AGAP1: variants seen among roughly 807,000 people sequenced by gnomAD.
AGAP1 encodes arf-GAP with GTPase, ANK repeat and PH domain-containing protein 1.
A neutral mutation model predicts 105.3 loss-of-function variants in AGAP1; 29 were observed. The ratio of observed to expected loss-of-function variants is 0.28; its 90% CI spans 0.21 to 0.38. The LOEUF (loss-of-function observed/expected upper bound fraction) is 0.38. AGAP1 is among the 10% of genes least tolerant of loss of function. The pLI is 1.00. For synonymous variants in AGAP1, 509 were observed against 485.9 expected, an observed-to-expected ratio of 1.05 and a Z score of -0.63; for missense variants, 998 against 1,165.1, an observed-to-expected ratio of 0.86 and a Z score of 2.09.
chr2:235,523,452 C>T (rs1337897499), intron 1 of AGAP1, among the ~76,000 whole-genome samples: 3 of 152,172 alleles, frequency 2.0e-5, no homozygotes, highest in Admixed American at 1.3e-4. Flanking sequence ...GGGACTGCTT[C>T]CCATCGGTGC....
chr2:236,015,218 C>T (rs1471101289), intron 13 of AGAP1, among the ~76,000 whole-genome samples: 1 of 152,108 alleles, frequency 6.6e-6, no homozygotes, highest in Non-Finnish European at 1.5e-5. Flanking sequence ...CAAGTTATTA[C>T]AGTTTTTAAA....
chr2:235,518,747 A>G (rs76162091), intron 1 of AGAP1, among the ~76,000 whole-genome samples: 5,133 of 152,334 alleles, frequency 0.034, 118 homozygotes, highest in Middle Eastern at 0.16. Context: ...TAATCCTCAA[A>G]GTAATAATAA....
chr2:236,040,775 G>A lies in AGAP1; in HGVS notation c.1825G>A (p.Ala609Thr). 6.2e-7 allele frequency: 1 copy of A among 1,613,624 alleles called. No individual in the cohort carries two copies. The highest frequency in any genetic ancestry group is 8.5e-7 in the Non-Finnish European group (1 of 1,180,032). ...GTCCCGGCTGACGAGCCAGAGCGAG[G>A]CCATGGCCCTGCAGTCGATCCGGAA... Reference protein sequence around the residue: ...NKSRLTSQSEAMALQSIRNMR... With the variant: ...NKSRLTSQSETMALQSIRNMR... Residue 609 changes from alanine to threonine, a missense_variant, in exon 15 of 18, where the codon GCC (alanine) becomes ACC (threonine). Transcript: ENST00000304032. This position sits in a 1 kb window ranked among gnomAD's most constrained non-coding sequence, Gnocchi z 5.6.
chr2:235,746,695 C>T (rs148647908), intron 5 of AGAP1, among the ~76,000 whole-genome samples: 142 of 152,192 alleles, frequency 9.3e-4, no homozygotes, highest in Admixed American at 2.8e-3. Flanking sequence ...TCCGAATAAG[C>T]TCCCCTTCCT....
chr2:235,628,834 T>C (rs1244327782), intron 1 of AGAP1, among the ~76,000 whole-genome samples: 1 of 152,072 alleles, frequency 6.6e-6, no homozygotes, highest in Non-Finnish European at 1.5e-5. Flanking sequence ...TTTGTTTGTT[T>C]GTTTTTTGAC....
In AGAP1 at chr2:236,027,203, G is replaced by A. The variant is rs2125625415; in HGVS notation, c.1646-9358G>A. 6.6e-6 allele frequency among the ~76,000 whole-genome samples: 1 copy of A among 152,126 alleles called. No homozygotes were observed. Among genetic ancestry groups the A allele is most frequent in the East Asian group, 1.9e-4 (1 of 5,178 alleles). On this transcript the variant is annotated intron_variant, in intron 13 of 17. Coordinates refer to ENST00000304032, the MANE Select transcript of AGAP1 (RefSeq NM_001037131.3). The surrounding 1 kb of genome is among the most constrained non-coding windows in gnomAD (Gnocchi z 4.4). Reference sequence around the variant, plus strand: ...AAAGTCATATGGCAGATATAAATTAGATCTGAAACTCTACGTGTGGGTATT... The same window carrying A: ...AAAGTCATATGGCAGATATAAATTAAATCTGAAACTCTACGTGTGGGTATT...
At chr2:235,802,998 GTGA>G in intron 8 of AGAP1, among the ~76,000 whole-genome samples, 1 of 17,148 alleles carries the variant, frequency 5.8e-5, no homozygotes, top group African/African-American at 2.3e-4. Flanking sequence ...TGTGATGGTG[GTGA>G]TGGTTGTGGT....
At chr2:236,008,219 C>T (rs1329094829) in intron 13 of AGAP1, among the ~76,000 whole-genome samples, 1 of 152,154 alleles carries the variant, frequency 6.6e-6, no homozygotes, top group East Asian at 1.9e-4. Context: ...TGGGGCCCAA[C>T]CACACCCAAG....
Position 235,665,579 on chromosome 2 carries a change from G to C in AGAP1, c.164-43600G>C, listed in dbSNP as rs1004714530. Among the ~76,000 whole-genome samples, 9 of 152,216 alleles carry C rather than the reference G, an allele frequency of 5.9e-5. No individual in the cohort carries two copies. Among genetic ancestry groups the C allele is most frequent in the Non-Finnish European group, 1.3e-4 (9 of 68,044 alleles). On this transcript the variant is annotated intron_variant, in intron 1 of 17. Transcript: ENST00000304032. This position sits in a 1 kb window ranked among gnomAD's most constrained non-coding sequence, Gnocchi z 5.3. ...CCATTCTACCATGACATTCTCAGAT[G>C]AGAATTTGAGTCTTATGCTAAAAAT... is the stretch of plus-strand genomic sequence containing the variant.
chr2:235,871,093 A>G (rs2049413963), intron 9 of AGAP1, among the ~76,000 whole-genome samples: 1 of 152,168 alleles, frequency 6.6e-6, no homozygotes, highest in Non-Finnish European at 1.5e-5. Context: ...AAAGGGTCTG[A>G]CTGCCACACC....
intron 8 of AGAP1, among the ~76,000 whole-genome samples, chr2:235,804,453 G>T (rs941838507): frequency 6.6e-6 from 1 of 152,154 alleles, no homozygotes. Flanking sequence ...TGTTTCAATG[G>T]CATTTATTTG....
At position 235,927,828 on chromosome 2, in the gene AGAP1, G is replaced by A. The variant is rs185331033; in HGVS notation, c.1325-2937G>A. On this transcript the variant is annotated intron_variant, in intron 11 of 17. Transcript: ENST00000304032. This position sits in a 1 kb window ranked among gnomAD's most constrained non-coding sequence, Gnocchi z 4.4. The stretch of plus-strand genomic sequence containing the variant: ...CTCTATTGAGTGCCATGTTGTCATC[G>A]TTGTCCCAAAGATGGAGGGACAGAC... 8.5e-4 allele frequency among the ~76,000 whole-genome samples: 130 copies of A among 152,314 alleles called. 4 individuals carry two copies. In the South Asian group the frequency reaches 0.019, roughly 23 times the overall value.
intron 13 of AGAP1, among the ~76,000 whole-genome samples, chr2:235,997,558 G>C (rs571761274): frequency 6.6e-6 from 1 of 151,310 alleles, no homozygotes; most frequent in African/African-American, 2.4e-5. Flanking sequence ...TTCCACGCCC[G>C]CAGCATCTAC....
At position 236,123,510 on chromosome 2, in the gene AGAP1, A is replaced by T. The variant is rs1035448423; in HGVS notation, c.2371-409A>T. 6.6e-6 allele frequency among the ~76,000 whole-genome samples: 1 copy of T among 152,232 alleles called. No homozygotes were observed. The highest frequency in any genetic ancestry group is 6.5e-5 in the Admixed American group (1 of 15,288). ...GGAAATACACTAATTCACAAAGGTT[A>T]TCTCTAAGTAGTAAGATTATGGGTG... On this transcript the variant is annotated intron_variant, in intron 17 of 17. Transcript: ENST00000304032. The surrounding 1 kb of genome is among the most constrained non-coding windows in gnomAD (Gnocchi z 4.6).
intron 1 of AGAP1, among the ~76,000 whole-genome samples, chr2:235,649,788 A>C (rs1367926998): frequency 6.6e-6 from 1 of 152,232 alleles, no homozygotes; most frequent in African/African-American, 2.4e-5. Context: ...TGTAATGTAC[A>C]GTGCATCAGA....
intron 9 of AGAP1, among the ~76,000 whole-genome samples, chr2:235,869,420 T>TTA (rs2049330508): frequency 2.0e-5 from 1 of 49,946 alleles, no homozygotes; most frequent in African/African-American, 6.4e-5. Context: ...CCATCTCTAC[T>TTA]AAAAAAAAAA....
intron 9 of AGAP1, among the ~76,000 whole-genome samples, chr2:235,812,451 G>C (rs1299118781): frequency 6.6e-6 from 1 of 152,228 alleles, no homozygotes; most frequent in Non-Finnish European, 1.5e-5. Flanking sequence ...CCCTCGTCCA[G>C]CCTGCCGCAG....
rs546948823 is a variant in AGAP1 at position 235,998,982 on chromosome 2, G to A, written c.1645+30359G>A. Reference sequence around the variant, plus strand: ...GAGGTTATAGGGCTGGTGGTGACGGGGTAGTGGTGGTGATTGTGGTGACAG... The same window carrying A: ...GAGGTTATAGGGCTGGTGGTGACGGAGTAGTGGTGGTGATTGTGGTGACAG... On this transcript the variant is annotated intron_variant, in intron 13 of 17. Transcript: ENST00000304032. Among the ~76,000 whole-genome samples the A allele has an allele frequency of 4.0e-5, 6 of 150,398 alleles. No homozygotes were observed. The South Asian group carries it at 1.3e-3, about 32-fold the overall frequency.
intron 1 of AGAP1, among the ~76,000 whole-genome samples, chr2:235,640,455 T>C (rs1322332739): frequency 1.3e-5 from 2 of 152,208 alleles, no homozygotes; most frequent in South Asian, 2.1e-4. Context: ...TCTCAGAACT[T>C]AGGAACAAGA....
Sources: allele counts gnomAD v4.1 joint callset (sites outside exome capture counted in the v4.1 genomes callset), GRCh38; gene constraint gnomAD v4.1.1; non-coding constraint Gnocchi (gnomAD v3.1); transcripts MANE v1.5; gene names NCBI Gene and HGNC (gene_info 2026-07-23, HGNC 2026-07-21).